Variants in CD58 observed in about 807,000 individuals in gnomAD.
CD58 encodes CD58 molecule.
A neutral mutation model predicts 27.6 loss-of-function variants in CD58; 14 were observed. That is an observed-to-expected ratio of 0.51 (90% CI 0.34 to 0.79). CD58 has a LOEUF of 0.79. Ranked by LOEUF, CD58 falls within the 30% of genes least tolerant of loss-of-function variation. The probability of loss-of-function intolerance (pLI) is 0.02; values close to 1 mark genes in which losing one functional copy is unlikely to be tolerated. For synonymous variants in CD58, 117 were observed against 103.8 expected, an observed-to-expected ratio of 1.13 and a Z score of -0.77; for missense variants, 268 against 301.7, an observed-to-expected ratio of 0.89 and a Z score of 0.83.
intron 1 of CD58, among the ~76,000 whole-genome samples, 153 bp from the exon 2 acceptor site, chr1:116,544,757 A>G (rs1022391923): frequency 6.6e-6 from 1 of 152,250 alleles, no homozygotes; most frequent in Non-Finnish European, 1.5e-5. Flanking sequence ...ACTCTTTAAT[A>G]GAAAACTGGG....
At chr1:116,562,173 CAG>C (rs1320370787) in intron 1 of CD58, among the ~76,000 whole-genome samples, 1 of 151,534 alleles carries the variant, frequency 6.6e-6, no homozygotes, top group East Asian at 1.9e-4. Flanking sequence ...TAAAAAAAAA[CAG>C]ATCAATATAA....
chr1:116,556,255 GAAAAAAAAAAA>G (rs1158092746), intron 1 of CD58, among the ~76,000 whole-genome samples: 15 of 29,832 alleles, frequency 5.0e-4, no homozygotes, highest in East Asian at 1.1e-3. Context: ...CTCCATCTCA[GAAAAAAAAAAA>G]AAAAAAAAAA....
chr1:116,565,508 A>C (rs1658901159), intron 1 of CD58, among the ~76,000 whole-genome samples: 1 of 152,140 alleles, frequency 6.6e-6, no homozygotes, highest in Admixed American at 6.5e-5. Flanking sequence ...AGGGTAGCTG[A>C]ATGAACTACC....
intron 1 of CD58, among the ~76,000 whole-genome samples, chr1:116,566,243 A>G (rs969114445): frequency 6.6e-6 from 1 of 152,228 alleles, no homozygotes; most frequent in African/African-American, 2.4e-5. Context: ...CAACTGTAAA[A>G]TGATTTGGGG....
At position 116,534,520 on chromosome 1, in the gene CD58, GGCC is replaced by G. The variant is rs1228037095; in HGVS notation, c.628+1442_628+1444del. On this transcript the variant is annotated intron_variant, in intron 3 of 5. Transcript: ENST00000369489. This position sits in a 1 kb window ranked among gnomAD's most constrained non-coding sequence, Gnocchi z 5.3. ...GCCGCCCTCTACGCCTCCTCCGCTG[GGCC>G]GCCGGCGAGGAAGCCGCCCGCAGCG... Among the ~76,000 whole-genome samples the G allele has an allele frequency of 5.9e-5, 9 of 152,162 alleles. No homozygotes were observed.
chr1:116,565,844 C>G (rs1185130403), intron 1 of CD58, among the ~76,000 whole-genome samples: 1 of 151,900 alleles, frequency 6.6e-6, no homozygotes, highest in Non-Finnish European at 1.5e-5. Flanking sequence ...CCTCAGCCTC[C>G]TAGGTAGCTG....
rs1435151138 is a variant in CD58 at position 116,541,330 on chromosome 1, G to C, written c.364+2981C>G. Among the ~76,000 whole-genome samples the C allele has an allele frequency of 6.6e-6, 1 of 152,168 alleles. No individual in the cohort carries two copies. Among genetic ancestry groups the C allele is most frequent in the Non-Finnish European group, 1.5e-5 (1 of 68,030 alleles). On this transcript the variant is annotated intron_variant, in intron 2 of 5. Coordinates refer to ENST00000369489, the MANE Select transcript of CD58 (RefSeq NM_001779.3). The surrounding 1 kb of genome is among the most constrained non-coding windows in gnomAD (Gnocchi z 5.3). ...CTTTTTCAAGGAAATCTTCTAAGAGGATACTTTGACATCTTAGCAAGCTGT... is the reference window on the plus strand; with the variant it reads ...CTTTTTCAAGGAAATCTTCTAAGAGCATACTTTGACATCTTAGCAAGCTGT...
chr1:116,559,738 C>T lies in CD58; in HGVS notation c.70+11165G>A, dbSNP rs946077758. Among the ~76,000 whole-genome samples the T allele has an allele frequency of 6.6e-6, 1 of 152,176 alleles. No homozygotes were observed. Among genetic ancestry groups the T allele is most frequent in the African/African-American group, 2.4e-5 (1 of 41,440 alleles). On this transcript the variant is annotated intron_variant, in intron 1 of 5. Coordinates refer to ENST00000369489, the MANE Select transcript of CD58 (RefSeq NM_001779.3). This position sits in a 1 kb window ranked among gnomAD's most constrained non-coding sequence, Gnocchi z 4.4. ...TTCATCAAGAATTAAGATGTTGGTT[C>T]TCTAAATCAACTTCTTTCTGTACTT...
rs1260109371 is a variant in CD58 at position 116,559,799 on chromosome 1, A to C, written c.70+11104T>G. ...ATGATGCTAAAATAGTTTCCTTTTT[A>C]ATTCTTGTTCTTGCACTTAACCTAT... On this transcript the variant is annotated intron_variant, in intron 1 of 5. Transcript: ENST00000369489. This position sits in a 1 kb window ranked among gnomAD's most constrained non-coding sequence, Gnocchi z 4.4. Among the ~76,000 whole-genome samples, 2 of 152,166 alleles carry C rather than the reference A, an allele frequency of 1.3e-5. No individual in the cohort carries two copies. Among genetic ancestry groups the C allele is most frequent in the Non-Finnish European group, 2.9e-5 (2 of 68,016 alleles).
intron 2 of CD58, among the ~76,000 whole-genome samples, chr1:116,537,229 G>A (rs141695874): frequency 2.0e-3 from 307 of 152,318 alleles, no homozygotes; most frequent in African/African-American, 6.1e-3. Flanking sequence ...CACACAGTGG[G>A]CTATGATTGC....
Position 116,521,792 on chromosome 1 carries a change from G to T in CD58, c.706+114C>A. On this transcript the variant is annotated intron_variant, in intron 4 of 5. Transcript: ENST00000369489. This position sits in a 1 kb window ranked among gnomAD's most constrained non-coding sequence, Gnocchi z 5.6. ...ACACACGTAAAGCAAAAAAGTTTTTGTTTCTTTTCAAATGTCTAAAATTTC... is the reference window on the plus strand; with the variant it reads ...ACACACGTAAAGCAAAAAAGTTTTTTTTTCTTTTCAAATGTCTAAAATTTC... The T allele has an allele frequency of 1.4e-6, 1 of 729,730 alleles. No homozygotes were observed. Among genetic ancestry groups the T allele is most frequent in the Non-Finnish European group, 2.4e-6 (1 of 423,012 alleles). 45.2% of individuals were successfully genotyped at this position (729,730 alleles called of 1,614,324 possible). A position where few individuals can be genotyped will look rare whatever the true frequency, so the allele number is the denominator to read the frequency against.
At chr1:116,551,122 A>G (rs1207660951) in intron 1 of CD58, among the ~76,000 whole-genome samples, 3 of 152,208 alleles carry the variant, frequency 2.0e-5, no homozygotes, top group South Asian at 2.1e-4. Flanking sequence ...TCAGAGTGGT[A>G]AATGAGCACT....
Position 116,563,667 on chromosome 1 carries a change from G to C in CD58, c.70+7236C>G, listed in dbSNP as rs115133363. On this transcript the variant is annotated intron_variant, in intron 1 of 5. Transcript: ENST00000369489. This position sits in a 1 kb window ranked among gnomAD's most constrained non-coding sequence, Gnocchi z 4.1. ...CTTACCCTCTGAAGCAACAGCCTGA[G>C]TGGTATGTTGGCCCCTTTTAGCCAT... Among the ~76,000 whole-genome samples the C allele has an allele frequency of 7.9e-3, 1,210 of 152,360 alleles. 14 individuals are homozygous for C. The highest frequency in any genetic ancestry group is 0.025 in the South Asian group (122 of 4,828).
Position 116,559,402 on chromosome 1 carries a change from G to A in CD58, c.70+11501C>T, listed in dbSNP as rs748953551. 2.6e-5 allele frequency among the ~76,000 whole-genome samples: 4 copies of A among 152,216 alleles called. No homozygotes were observed. Among genetic ancestry groups the A allele is most frequent in the Non-Finnish European group, 5.9e-5 (4 of 68,040 alleles). On this transcript the variant is annotated intron_variant, in intron 1 of 5. Transcript: ENST00000369489. This position sits in a 1 kb window ranked among gnomAD's most constrained non-coding sequence, Gnocchi z 4.4. ...ACTCAGCTAGCAAGGGGCAGAGCTG[G>A]TGTCCAGACACAGGCAGTCGGCCCC...
intron 2 of CD58, among the ~76,000 whole-genome samples, chr1:116,540,669 A>G (rs1213826664): frequency 2.0e-5 from 3 of 152,190 alleles, no homozygotes; most frequent in Non-Finnish European, 4.4e-5. Flanking sequence ...ACTCAATACT[A>G]TCAATATCAC....
In CD58 at chr1:116,570,798, C is replaced by T; in HGVS notation, c.70+105G>A. On this transcript the variant is annotated intron_variant, in intron 1 of 5. Coordinates refer to ENST00000369489, the MANE Select transcript of CD58 (RefSeq NM_001779.3). The surrounding 1 kb of genome is among the most constrained non-coding windows in gnomAD (Gnocchi z 6.4). ...CCGGCCCACAGCGACCCGTCCCCACCCGTCTCTGATCGGCAACCGCCTCGA... is the reference window on the plus strand; with the variant it reads ...CCGGCCCACAGCGACCCGTCCCCACTCGTCTCTGATCGGCAACCGCCTCGA... The T allele has an allele frequency of 1.2e-6, 1 of 824,426 alleles. No individual in the cohort carries two copies. Among genetic ancestry groups the T allele is most frequent in the Non-Finnish European group, 1.9e-6 (1 of 534,614 alleles). 51.1% of individuals were successfully genotyped at this position (824,426 alleles called of 1,614,324 possible).
At chr1:116,554,721 T>C (rs914515411) in intron 1 of CD58, among the ~76,000 whole-genome samples, 8 of 152,230 alleles carry the variant, frequency 5.3e-5, no homozygotes, top group African/African-American at 9.6e-5. Context: ...ACAGGTCACA[T>C]TGAAAAATAT....
At position 116,544,881 on chromosome 1, in the gene CD58, G is replaced by A. The variant is rs114730625; in HGVS notation, c.71-277C>T. Among the ~76,000 whole-genome samples, 1,747 of 152,292 alleles carry A rather than the reference G, an allele frequency of 0.011. 22 individuals are homozygous for A. Among genetic ancestry groups the A allele is most frequent in the Middle Eastern group, 0.02 (6 of 294 alleles). The stretch of plus-strand genomic sequence containing the variant: ...GTTCCAGGCCCTCCAGGAGCCTCAC[G>A]TGTGGAGAAGACAGGGAGCAGGCTC... On this transcript the variant is annotated intron_variant, in intron 1 of 5. Coordinates refer to ENST00000369489, the MANE Select transcript of CD58 (RefSeq NM_001779.3).
At chr1:116,542,308 G>C (rs1487225891) in intron 2 of CD58, among the ~76,000 whole-genome samples, 2 of 152,132 alleles carry the variant, frequency 1.3e-5, no homozygotes, top group East Asian at 3.9e-4. Context: ...ACATGAATAG[G>C]GTGGTATCCT....
Sources: allele counts gnomAD v4.1 joint callset (sites outside exome capture counted in the v4.1 genomes callset), GRCh38; gene constraint gnomAD v4.1.1; non-coding constraint Gnocchi (gnomAD v3.1); transcripts MANE v1.5; gene names NCBI Gene and HGNC (gene_info 2026-07-23, HGNC 2026-07-21).